Variants in LRRTM3 observed in about 807,000 individuals in gnomAD.
The protein encoded by LRRTM3 is leucine-rich repeat transmembrane neuronal protein 3.
In LRRTM3, 24 loss-of-function variants were observed where a neutral mutation model predicts 44.7. The ratio of observed to expected loss-of-function variants is 0.54; its 90% confidence interval spans 0.39 to 0.76. The LOEUF (loss-of-function observed/expected upper bound fraction) is 0.76, where lower values mean the gene tolerates loss of function less well. Among genes scored for constraint, LRRTM3 ranks in the 30% least tolerant of loss-of-function variants. LRRTM3 has a pLI of 0.00. For missense variants in LRRTM3, 587 were observed against 702.2 expected (o/e 0.84, Z 1.85); for synonymous variants, 277 against 278.7 (o/e 0.99, Z 0.06).
intron 2 of LRRTM3, among the ~76,000 whole-genome samples, chr10:67,049,464 G>T (rs1464984720): frequency 6.6e-6 from 1 of 151,978 alleles, no homozygotes; most frequent in East Asian, 1.9e-4. Flanking sequence ...ATATATCCTT[G>T]ACTCTAAGAA....
intron 2 of LRRTM3, among the ~76,000 whole-genome samples, chr10:66,998,218 T>C (rs1031196898): frequency 2.0e-5 from 3 of 152,186 alleles, no homozygotes; most frequent in Non-Finnish European, 2.9e-5. Context: ...TCCCATATAC[T>C]CCAGTGCTAC....
intron 2 of LRRTM3, chr10:67,052,551 C>T (rs3818443): frequency 0.86 from 130,557 of 152,106 alleles, 56,604 homozygotes; most frequent in Admixed American, 0.93. Context: ...TTATCATAAA[C>T]ATTTGTATTT....
intron 2 of LRRTM3, among the ~76,000 whole-genome samples, chr10:66,946,017 A>G (rs1848254961): frequency 1.3e-5 from 2 of 152,212 alleles, no homozygotes; most frequent in Non-Finnish European, 1.5e-5. Flanking sequence ...GAAAATGTTT[A>G]AAGATGTGGC....
chr10:66,926,821 T>C, intron 1 of LRRTM3, 100 bp from the exon 2 acceptor site: 1 of 1,101,868 alleles, frequency 9.1e-7, no homozygotes, highest in African/African-American at 1.6e-5. Flanking sequence ...GTTATTTAGA[T>C]TTAAATTTTT....
intron 2 of LRRTM3, among the ~76,000 whole-genome samples, chr10:67,075,868 C>A (rs756123134): frequency 7.2e-5 from 11 of 152,212 alleles, no homozygotes; most frequent in Admixed American, 1.3e-4. Context: ...TCTGAGCTTT[C>A]AATCAACAAT....
intron 2 of LRRTM3, among the ~76,000 whole-genome samples, chr10:67,057,930 G>A (rs969196310): frequency 6.6e-6 from 1 of 152,108 alleles, no homozygotes; most frequent in Non-Finnish European, 1.5e-5. Context: ...TGCTCTCAAG[G>A]ATATCACTTT....
intron 2 of LRRTM3, among the ~76,000 whole-genome samples, chr10:66,998,405 T>C (rs561607664): frequency 6.6e-6 from 1 of 152,240 alleles, no homozygotes; most frequent in South Asian, 2.1e-4. Context: ...AATGTAGACA[T>C]AAATCAAAAT....
chr10:67,084,167 T>C (rs1857187103), intron 2 of LRRTM3, among the ~76,000 whole-genome samples: 1 of 152,148 alleles, frequency 6.6e-6, no homozygotes, highest in African/African-American at 2.4e-5. Context: ...GGTATTCATA[T>C]ATTCAGAATA....
rs1339048563 is a variant in LRRTM3 at position 67,099,071 on chromosome 10, A to G, written c.*1275A>G. 6.6e-6 allele frequency: 1 copy of G among 151,828 alleles called. No individual in the cohort carries two copies. Among genetic ancestry groups the G allele is most frequent in the African/African-American group, 2.4e-5 (1 of 41,396 alleles). The allele number at this position is 151,828 out of a possible 1,614,324, so 9.4% of individuals were successfully genotyped here. A position where few individuals can be genotyped will look rare whatever the true frequency, so the allele number is the denominator to read the frequency against. On this transcript the variant is annotated 3_prime_UTR_variant, in exon 3 of 3. Coordinates refer to ENST00000361320, the MANE Select transcript of LRRTM3 (RefSeq NM_178011.5). ...CAAGTAGACGGTAAACATCCTTAAT[A>G]TGTTCTAAATTGTTTATATTGCTAT... is the stretch of plus-strand genomic sequence containing the variant.
chr10:66,978,014 C>T (rs1317955676), intron 2 of LRRTM3, among the ~76,000 whole-genome samples: 20 of 151,596 alleles, frequency 1.3e-4, no homozygotes. Flanking sequence ...GAAATCCATA[C>T]TTTAGTATAA....
chr10:67,047,170 T>C (rs1409070885), intron 2 of LRRTM3, among the ~76,000 whole-genome samples: 1 of 152,190 alleles, frequency 6.6e-6, no homozygotes, highest in Non-Finnish European at 1.5e-5. Flanking sequence ...AGTACAATGC[T>C]TCAATCCTTC....
At chr10:67,042,687 T>C (rs1854477836) in intron 2 of LRRTM3, among the ~76,000 whole-genome samples, 1 of 151,432 alleles carries the variant, frequency 6.6e-6, no homozygotes, top group Non-Finnish European at 1.5e-5. Context: ...GGGGAAACTA[T>C]TAGAGGAAAA....
At position 66,978,540 on chromosome 10, in the gene LRRTM3, A is replaced by AATAAAATAAAAATAAAAAAAAT. The variant is rs1554890289; in HGVS notation, c.1536+50089_1536+50090insTAAAATAAAAATAAAAAAAATA. Among the ~76,000 whole-genome samples the AATAAAATAAAAATAAAAAAAAT allele has an allele frequency of 6.0e-5, 5 of 82,890 alleles. 1 individual carries two copies. Among genetic ancestry groups the AATAAAATAAAAATAAAAAAAAT allele is most frequent in the Admixed American group, 1.3e-4 (1 of 7,732 alleles). The allele number at this position is 82,890 out of a possible 152,430, so 54.4% of individuals were successfully genotyped here. A position where few individuals can be genotyped will look rare whatever the true frequency, so the allele number is the denominator to read the frequency against. The stretch of plus-strand genomic sequence containing the variant: ...AGACTCCATCTCAAAAAAAAAAAAA[A>AATAAAATAAAAATAAAAAAAAT]AAAAAAAAAAAAATATATATATATA... On this transcript the variant is annotated intron_variant, in intron 2 of 2. Coordinates refer to ENST00000361320, the MANE Select transcript of LRRTM3 (RefSeq NM_178011.5).
chr10:67,026,610 C>T (rs1469182344), intron 2 of LRRTM3, among the ~76,000 whole-genome samples: 1 of 152,086 alleles, frequency 6.6e-6, no homozygotes, highest in Non-Finnish European at 1.5e-5. Flanking sequence ...AAAGAACAGT[C>T]TTCTGAACAT....
intron 2 of LRRTM3, among the ~76,000 whole-genome samples, chr10:67,022,762 C>T (rs1231306780): frequency 4.0e-5 from 6 of 151,864 alleles, no homozygotes; most frequent in Non-Finnish European, 8.8e-5. Context: ...ACAGTGAAAC[C>T]CTGTCTCTGC....
In LRRTM3 at chr10:66,927,179, C is replaced by T. The variant is rs985751184; in HGVS notation, c.263C>T (p.Thr88Ile). 1 of 1,614,070 alleles carries T rather than the reference C, an allele frequency of 6.2e-7. No individual in the cohort carries two copies. The highest frequency in any genetic ancestry group is 1.3e-5 in the African/African-American group (1 of 74,934). Residue 88 changes from threonine (T) to isoleucine (I), a missense_variant, in exon 2 of 3, where the codon ACC (threonine) becomes ATC (isoleucine). Around this residue, in one of 3 missense-constraint regions of LRRTM3, gnomAD observed 222 missense variants for 323.3 expected, o/e 0.69. Coordinates refer to ENST00000361320, the MANE Select transcript of LRRTM3 (RefSeq NM_178011.5). The surrounding 1 kb of genome is among the most constrained non-coding windows in gnomAD (Gnocchi z 4.7). ...CAATTTAAAGGGCTCAACCAGCTCACCTGGCTATACCTTGACCATAACCAT... is the reference window on the plus strand; with the variant it reads ...CAATTTAAAGGGCTCAACCAGCTCATCTGGCTATACCTTGACCATAACCAT... The part of the protein sequence containing the change: ...YNQFKGLNQL[T>I]WLYLDHNHIS...
intron 2 of LRRTM3, among the ~76,000 whole-genome samples, chr10:67,077,366 T>TA (rs1336602360): frequency 1.3e-5 from 2 of 152,168 alleles, no homozygotes; most frequent in African/African-American, 4.8e-5. Flanking sequence ...TAAAAATTTA[T>TA]AAAATGGTCC....
chr10:67,071,337 T>G (rs1856443830), intron 2 of LRRTM3, among the ~76,000 whole-genome samples: 3 of 151,226 alleles, frequency 2.0e-5, no homozygotes, highest in Admixed American at 2.0e-4. Flanking sequence ...TGGGTTTTTT[T>G]TTTTTTGGTC....
chr10:67,018,619 A>C (rs889669902), intron 2 of LRRTM3, among the ~76,000 whole-genome samples: 7 of 152,376 alleles, frequency 4.6e-5, no homozygotes, highest in Admixed American at 3.9e-4. Context: ...CTCTGGAGCC[A>C]GAATGCCTGG....
Sources: allele counts gnomAD v4.1 joint callset (sites outside exome capture counted in the v4.1 genomes callset), GRCh38; gene constraint gnomAD v4.1.1; regional missense constraint gnomAD v4.1.1; non-coding constraint Gnocchi (gnomAD v3.1); transcripts MANE v1.5; gene names NCBI Gene and HGNC (gene_info 2026-07-23, HGNC 2026-07-21).